ZNHIT1: variants seen among roughly 807,000 people sequenced by gnomAD.
ZNHIT1 encodes zinc finger HIT domain-containing protein 1.
In ZNHIT1, 20 loss-of-function variants were observed where a neutral mutation model predicts 21.4. The observed-to-expected ratio is 0.93, with a 90% confidence interval of 0.66 to 1.36. ZNHIT1 has a LOEUF of 1.36. Ranked by LOEUF, ZNHIT1 falls within the 40% of genes most tolerant of loss-of-function variation. The probability of loss-of-function intolerance (pLI) is 0.00; values close to 1 mark genes in which losing one functional copy is unlikely to be tolerated. For missense variants in ZNHIT1, 170 were observed against 213.5 expected (o/e 0.80, Z 1.27); for synonymous variants, 79 against 84.0 (o/e 0.94, Z 0.32).
chr7:101,223,360 G>C (rs1798403124), intron 2 of ZNHIT1, 117 bp from the exon 3 acceptor site: 2 of 1,116,632 alleles, frequency 1.8e-6, no homozygotes, highest in African/African-American at 1.5e-5. Context: ...CTGGGTGACA[G>C]AGTGAGACTG....
intron 1 of ZNHIT1, chr7:101,219,241 C>G (rs2116817926): frequency 6.6e-6 from 1 of 152,106 alleles, no homozygotes; most frequent in South Asian, 2.1e-4. Context: ...GTAGGTGGAA[C>G]TACAGGTGGG....
chr7:101,224,151 GC>G lies in ZNHIT1; in HGVS notation c.*199del. The stretch of plus-strand genomic sequence containing the variant: ...GGGAACTGTCTGGCAGGTAGGCTGG[GC>G]CCCCCAGTGCTGTTAGAATAAAAAG... On this transcript the variant is annotated 3_prime_UTR_variant, in exon 5 of 5. Transcript: ENST00000305105. The G allele has an allele frequency of 7.7e-6, 6 of 782,948 alleles. No individual in the cohort carries two copies. Among genetic ancestry groups the G allele is most frequent in the East Asian group, 2.7e-5 (1 of 37,510 alleles). The allele number at this position is 782,948 out of a possible 1,614,324, so 48.5% of individuals were successfully genotyped here. A position where few individuals can be genotyped will look rare whatever the true frequency, so the allele number is the denominator to read the frequency against.
Position 101,223,990 on chromosome 7 carries a change from G to A in ZNHIT1, c.*32G>A. ...GCATTCCCAGAGAGGAAGGGCCGCT[G>A]TGCACTGCCCGGCCTTCAGAAAGAC... On this transcript the variant is annotated 3_prime_UTR_variant, in exon 5 of 5. Transcript: ENST00000305105. 1 of 1,614,132 alleles carries A rather than the reference G, an allele frequency of 6.2e-7. No homozygotes were observed. Among genetic ancestry groups the A allele is most frequent in the Non-Finnish European group, 8.5e-7 (1 of 1,180,016 alleles).
rs763905018 is a variant in ZNHIT1 at position 101,223,476 on chromosome 7, G to A, written c.194-1G>A. On this transcript the variant is annotated splice_acceptor_variant, in intron 2 of 4. Transcript: ENST00000305105. LOFTEE classifies it high-confidence loss of function. ...AGCAACGGATCACCCTTGACCCCTA[G>A]GAAAGAAAAAGAAGAAAACCCGAGG... 12 of 1,614,120 alleles carry A rather than the reference G, an allele frequency of 7.4e-6. No individual in the cohort carries two copies. The highest frequency in any genetic ancestry group is 1.0e-5 in the Non-Finnish European group (12 of 1,179,996).
At chr7:101,222,890 T>A in intron 2 of ZNHIT1, 116 bp downstream of exon 2, 1 of 1,384,644 alleles carries the variant, frequency 7.2e-7, no homozygotes, top group Non-Finnish European at 9.8e-7. Context: ...AGTGACTGGC[T>A]CCCATGGCTG....
chr7:101,221,167 T>A (rs1395855321), intron 1 of ZNHIT1: 1 of 152,150 alleles, frequency 6.6e-6, no homozygotes, highest in African/African-American at 2.4e-5. Context: ...ATTTTTTTTT[T>A]TTTTTGAGTT....
rs370895021 is a variant in ZNHIT1, at chr7:101,218,231, C to A, written c.22+14C>A. 24 of 1,611,772 alleles carry A rather than the reference C, an allele frequency of 1.5e-5. No individual in the cohort carries two copies. The highest frequency in any genetic ancestry group is 2.0e-5 in the Non-Finnish European group (23 of 1,178,870). The stretch of plus-strand genomic sequence containing the variant: ...AGAAAACTTCGGGTATGTGAGCCCC[C>A]GCGGTTCGCCCCCTTCCCCTTCCCA... On this transcript the variant is annotated intron_variant, in intron 1 of 4. Transcript: ENST00000305105.
intron 2 of ZNHIT1, among the ~76,000 whole-genome samples, chr7:101,223,267 C>G (rs549653423): frequency 3.3e-5 from 5 of 152,288 alleles, no homozygotes; most frequent in African/African-American, 1.2e-4. Flanking sequence ...ATCCCAGCTA[C>G]TCAGGAGGCC....
At position 101,222,798 on chromosome 7, in the gene ZNHIT1, G is replaced by A. The variant is rs199994531; in HGVS notation, c.193+24G>A. Reference sequence around the variant, plus strand: ...TGGTGAGGCGGATGGAGGAGGAAGCGGGGGATGGGACTGAGAGGAGGGCGG... The same window carrying A: ...TGGTGAGGCGGATGGAGGAGGAAGCAGGGGATGGGACTGAGAGGAGGGCGG... On this transcript the variant is annotated intron_variant, in intron 2 of 4. Transcript: ENST00000305105. The A allele has an allele frequency of 4.1e-3, 6,634 of 1,609,260 alleles. 22 individuals are homozygous for A. The highest frequency in any genetic ancestry group is 4.8e-3 in the Non-Finnish European group (5,598 of 1,176,542).
rs1798390068 is a variant in ZNHIT1, at chr7:101,222,689, G to A, written c.108G>A (p.Glu36=). The A allele has an allele frequency of 6.2e-7, 1 of 1,614,212 alleles. No individual in the cohort carries two copies. The highest frequency in any genetic ancestry group is 2.2e-5 in the East Asian group (1 of 44,876). ...RRINRQLEAL[E]NDNFQDDPHA... ...TCAACCGGCAGCTGGAGGCCCTGGAGAATGACAACTTCCAGGATGACCCCC... is the reference window on the plus strand; with the variant it reads ...TCAACCGGCAGCTGGAGGCCCTGGAAAATGACAACTTCCAGGATGACCCCC... Residue 36 remains glutamate (E), a synonymous_variant, in exon 2 of 5, where the codon GAG becomes GAA. Transcript: ENST00000305105.
At position 101,222,621 on chromosome 7, in the gene ZNHIT1, G is replaced by A. The variant is rs1435416165; in HGVS notation, c.40G>A (p.Gly14Arg). 15 of 1,610,038 alleles carry A rather than the reference G, an allele frequency of 9.3e-6. 1 individual carries two copies. The East Asian group carries it at 2.7e-4, about 29-fold the overall frequency. The change falls in exon 2 of 5, where the codon GGG (glycine) becomes AGG (arginine). Residue 14 changes from glycine to arginine, a missense_variant. By Grantham distance (125) the Gly-to-Arg change is moderately radical. Coordinates refer to ENST00000305105, the MANE Select transcript of ZNHIT1 (RefSeq NM_006349.3). ...KKTSVRSQDP[G>R]QRRVLDRAAR... ...CCATCCAGTTCGCTCCCAGGACCCC[G>A]GGCAGCGGCGGGTGCTGGACCGGGC...
chr7:101,219,980 T>A (rs1798344747), intron 1 of ZNHIT1: 1 of 152,234 alleles, frequency 6.6e-6, no homozygotes, highest in Admixed American at 6.6e-5. Context: ...TTTGTTTCAT[T>A]AATCATTTGT....
At chr7:101,221,543 G>A (rs1286775462) in intron 1 of ZNHIT1, 1 of 152,288 alleles carries the variant, frequency 6.6e-6, no homozygotes, top group African/African-American at 2.4e-5. Context: ...TGCATGGCCA[G>A]TTCTGGAGCC....
In ZNHIT1 at chr7:101,221,612, A is replaced by C. The variant is rs181941261; in HGVS notation, c.23-992A>C. 3 of 152,436 alleles carry C rather than the reference A, an allele frequency of 2.0e-5. No homozygotes were observed. In the East Asian group the frequency reaches 5.8e-4, roughly 30 times the overall value. The allele number at this position is 152,436 out of a possible 1,614,324, so 9.4% of individuals were successfully genotyped here. A position where few individuals can be genotyped will look rare whatever the true frequency, so the allele number is the denominator to read the frequency against. On this transcript the variant is annotated intron_variant, in intron 1 of 4. Transcript: ENST00000305105. ...GGGAGTCATTTGCTTGTGGGTGATC[A>C]TCAGAGCCCTTTGTTTGGAGTCAAA...
rs1315291284 is a variant in ZNHIT1 at position 101,224,012 on chromosome 7, A to G, written c.*54A>G. The G allele has an allele frequency of 6.2e-7, 1 of 1,613,564 alleles. No homozygotes were observed. The highest frequency in any genetic ancestry group is 1.3e-5 in the African/African-American group (1 of 74,900). On this transcript the variant is annotated 3_prime_UTR_variant, in exon 5 of 5. Transcript: ENST00000305105. ...GCTGTGCACTGCCCGGCCTTCAGAAAGACAGAATTTCATCACCCAATGCAG... is the reference window on the plus strand; with the variant it reads ...GCTGTGCACTGCCCGGCCTTCAGAAGGACAGAATTTCATCACCCAATGCAG...
chr7:101,222,931 G>C (rs1798396520), intron 2 of ZNHIT1, among the ~76,000 whole-genome samples, 157 bp downstream of exon 2: 1 of 152,236 alleles, frequency 6.6e-6, no homozygotes, highest in Admixed American at 6.5e-5. Flanking sequence ...CTGTGCCTCA[G>C]TTTCCTCTCG....
chr7:101,224,079 C>A lies in ZNHIT1; in HGVS notation c.*121C>A. The A allele has an allele frequency of 6.8e-7, 1 of 1,466,228 alleles. No homozygotes were observed. 90.8% of individuals were successfully genotyped at this position (1,466,228 alleles called of 1,614,324 possible). ...ACCAAGGGAGGAGCCGCTCATTCAC[C>A]CAACAAAACTGTGTCTTATCTGCCA... On this transcript the variant is annotated 3_prime_UTR_variant, in exon 5 of 5. Transcript: ENST00000305105.
intron 1 of ZNHIT1, 23 bp downstream of exon 1, chr7:101,218,240 C>CCCCCTT: frequency 6.2e-7 from 1 of 1,608,410 alleles, no homozygotes; most frequent in Non-Finnish European, 8.5e-7. Context: ...CCGCGGTTCG[C>CCCCCTT]CCCCTTCCCC....
In ZNHIT1 at chr7:101,224,060, G is replaced by A. The variant is rs1188158655; in HGVS notation, c.*102G>A. On this transcript the variant is annotated 3_prime_UTR_variant, in exon 5 of 5. Coordinates refer to ENST00000305105, the MANE Select transcript of ZNHIT1 (RefSeq NM_006349.3). ...CAGGGGGAGCTCTTCCTGGACCAAG[G>A]GAGGAGCCGCTCATTCACCCAACAA... is the stretch of plus-strand genomic sequence containing the variant. 1 of 1,561,770 alleles carries A rather than the reference G, an allele frequency of 6.4e-7. No homozygotes were observed. The highest frequency in any genetic ancestry group is 8.8e-7 in the Non-Finnish European group (1 of 1,140,150).
Sources: gnomAD v4.1 joint callset for allele counts (sites outside exome capture counted in the v4.1 genomes callset) on GRCh38, gnomAD v4.1.1 for gene constraint, MANE v1.5 for transcripts, NCBI Gene and HGNC (gene_info 2026-07-23, HGNC 2026-07-21) for gene names.